The following XIRP2 variants were observed in gnomAD, a reference collection of about 807,000 sequenced individuals.
XIRP2 encodes the protein xin actin-binding repeat-containing protein 2.
Under a neutral mutation model 277.0 loss-of-function variants are expected in XIRP2, and 236 were observed. That is an observed-to-expected ratio of 0.85 (90% CI 0.77 to 0.95). The LOEUF (loss-of-function observed/expected upper bound fraction) is 0.95, where lower values mean the gene tolerates loss of function less well. XIRP2 is among the 40% of genes least tolerant of loss of function. The pLI is 0.00. For synonymous variants in XIRP2, 1,490 were observed against 1,416.5 expected (o/e 1.05, Z -1.17); for missense variants, 4,640 against 4,157.5 (o/e 1.12, Z -3.19).
intron 2 of XIRP2, among the ~76,000 whole-genome samples, chr2:166,924,337 T>C (rs1378683893): frequency 6.6e-6 from 1 of 152,054 alleles, no homozygotes; most frequent in East Asian, 1.9e-4. Flanking sequence ...CTCTTCAGAA[T>C]TGTTAGCACT....
chr2:166,944,311 T>C (rs1302714240), intron 2 of XIRP2, among the ~76,000 whole-genome samples: 1 of 152,254 alleles, frequency 6.6e-6, no homozygotes, highest in African/African-American at 2.4e-5. Flanking sequence ...TATTTGGTTG[T>C]ATCTCCAAAG....
chr2:167,097,046 A>G (rs1281484375), intron 2 of XIRP2, among the ~76,000 whole-genome samples: 4 of 152,184 alleles, frequency 2.6e-5, no homozygotes, highest in Non-Finnish European at 5.9e-5. Flanking sequence ...AGAGTTCTGT[A>G]TATGTCAATT....
chr2:167,014,959 C>T (rs1421679081), intron 2 of XIRP2, among the ~76,000 whole-genome samples: 2 of 151,822 alleles, frequency 1.3e-5, no homozygotes, highest in Admixed American at 6.6e-5. Flanking sequence ...ATCTCACCTC[C>T]TTGTGCAGGT....
chr2:166,954,190 T>C (rs144796104), intron 2 of XIRP2, among the ~76,000 whole-genome samples: 102 of 152,088 alleles, frequency 6.7e-4, no homozygotes, highest in African/African-American at 2.3e-3. Flanking sequence ...AATTTATGAA[T>C]GTTCCATGAT....
chr2:166,976,579 A>G (rs1686722775), intron 2 of XIRP2, among the ~76,000 whole-genome samples: 1 of 152,026 alleles, frequency 6.6e-6, no homozygotes, highest in Admixed American at 6.6e-5. Context: ...AATACCTGAC[A>G]CTCCCAATTT....
At chr2:166,948,354 C>G (rs1685936469) in intron 2 of XIRP2, among the ~76,000 whole-genome samples, 1 of 151,972 alleles carries the variant, frequency 6.6e-6, no homozygotes, top group Non-Finnish European at 1.5e-5. Context: ...TTCAATTTTT[C>G]TTTGAACCTA....
At chr2:166,920,249 A>G in intron 2 of XIRP2, among the ~76,000 whole-genome samples, 1 of 152,172 alleles carries the variant, frequency 6.6e-6, no homozygotes, top group South Asian at 2.1e-4. Context: ...TTCCCATTTA[A>G]CAGCTATGAT....
chr2:167,242,817 GC>G lies in XIRP2; in HGVS notation c.1428del (p.Ser477ValfsTer22), dbSNP rs1559037192. 6.2e-7 allele frequency: 1 copy of G among 1,614,132 alleles called. No homozygotes were observed. Among genetic ancestry groups the G allele is most frequent in the Admixed American group, 1.7e-5 (1 of 60,020 alleles). On this transcript the variant is annotated frameshift_variant, in exon 9 of 11. Transcript: ENST00000409195. LOFTEE classifies it high-confidence loss of function. ...VTAFSQSPEL[P>X]SPPRRLPVPK... ...CAGCATTTTCCCAGTCCCCTGAACT[GC>G]CCAGTCCTCCTAGAAGACTACCAGT... is the stretch of plus-strand genomic sequence containing the variant.
At chr2:167,139,601 T>G (rs933169431) in intron 3 of XIRP2, among the ~76,000 whole-genome samples, 5 of 152,206 alleles carry the variant, frequency 3.3e-5, no homozygotes, top group African/African-American at 1.2e-4. Flanking sequence ...TTCTTTCAGT[T>G]TTCTACTGCT....
At chr2:167,209,378 C>G (rs1253200413) in intron 3 of XIRP2, among the ~76,000 whole-genome samples, 7 of 152,018 alleles carry the variant, frequency 4.6e-5, no homozygotes, top group African/African-American at 1.4e-4. Flanking sequence ...AAAAAGCAAG[C>G]AATTCAATAA....
chr2:166,936,482 T>C (rs1685505707), intron 2 of XIRP2, among the ~76,000 whole-genome samples: 1 of 152,260 alleles, frequency 6.6e-6, no homozygotes, highest in Non-Finnish European at 1.5e-5. Context: ...CATGAAGTCC[T>C]TGCCCATGCC....
chr2:167,196,120 A>T (rs1693499068), intron 3 of XIRP2, among the ~76,000 whole-genome samples: 2 of 151,808 alleles, frequency 1.3e-5, no homozygotes, highest in Admixed American at 6.6e-5. Context: ...CCTTTAACTG[A>T]CTCTTTATTA....
chr2:167,084,268 G>T (rs150217185), intron 2 of XIRP2, among the ~76,000 whole-genome samples: 2,460 of 152,290 alleles, frequency 0.016, 27 homozygotes, highest in African/African-American at 0.025. Flanking sequence ...TATTGAACCA[G>T]CCTTGCATCC....
chr2:166,890,840 G>A (rs1684082438), intron 1 of XIRP2, among the ~76,000 whole-genome samples: 1 of 152,100 alleles, frequency 6.6e-6, no homozygotes, highest in African/African-American at 2.4e-5. Context: ...CTCTGAGATG[G>A]GTCCTTTTAC....
chr2:167,028,719 A>G (rs943084715), intron 2 of XIRP2, among the ~76,000 whole-genome samples: 1 of 152,006 alleles, frequency 6.6e-6, no homozygotes, highest in Non-Finnish European at 1.5e-5. Context: ...AATGAGCTAA[A>G]TAAGGCACCA....
chr2:166,949,707 G>A (rs977222777), intron 2 of XIRP2, among the ~76,000 whole-genome samples: 1 of 151,954 alleles, frequency 6.6e-6, no homozygotes, highest in Non-Finnish European at 1.5e-5. Flanking sequence ...CTACAAATTG[G>A]ATGAGCATAT....
chr2:167,254,037 G>A lies in XIRP2; in HGVS notation c.10561G>A (p.Ala3521Thr). 6.3e-7 allele frequency: 1 copy of A among 1,585,248 alleles called. No homozygotes were observed. The highest frequency in any genetic ancestry group is 8.6e-7 in the Non-Finnish European group (1 of 1,166,806). The stretch of plus-strand genomic sequence containing the variant: ...TTGTAAATTTTTATTTTTAGAAGCT[G>A]CTGCTCCAAGACAAGGAAATATGTA... Reference protein sequence around the residue: ...QEESAFISEAAAPRQGNMYTL... With the variant: ...QEESAFISEATAPRQGNMYTL... The change falls in exon 10 of 11, where the codon GCT becomes ACT. Residue 3521 changes from alanine (A) to threonine (T), a missense_variant. Physicochemically the swap from Ala to Thr is moderately conservative, Grantham distance 58. Transcript: ENST00000409195.
intron 1 of XIRP2, among the ~76,000 whole-genome samples, chr2:166,897,840 T>C (rs1442270495): frequency 6.6e-6 from 1 of 152,032 alleles, no homozygotes; most frequent in Non-Finnish European, 1.5e-5. Flanking sequence ...CAGTGGGGGT[T>C]GGAACACCTC....
chr2:166,985,756 A>T (rs1558938722), intron 2 of XIRP2, among the ~76,000 whole-genome samples: 1 of 151,958 alleles, frequency 6.6e-6, no homozygotes, highest in Admixed American at 6.6e-5. Context: ...AATTATTCTT[A>T]GTGTTGGTCT....
Sources: allele counts gnomAD v4.1 joint callset (sites outside exome capture counted in the v4.1 genomes callset), GRCh38; gene constraint gnomAD v4.1.1; transcripts MANE v1.5; gene names NCBI Gene and HGNC (gene_info 2026-07-23, HGNC 2026-07-21).